Variants in SGPP1 observed in about 807,000 individuals in gnomAD.
The protein encoded by SGPP1 is sphingosine-1-phosphate phosphatase 1.
Under a neutral mutation model 33.0 loss-of-function variants are expected in SGPP1, and 21 were observed. The observed-to-expected ratio is 0.64, with a 90% confidence interval of 0.45 to 0.92. The LOEUF is 0.92. Among genes scored for constraint, SGPP1 ranks in the 40% least tolerant of loss-of-function variants. The pLI is 0.00. For synonymous variants in SGPP1, 239 were observed against 241.2 expected, an observed-to-expected ratio of 0.99 and a Z score of 0.08; for missense variants, 543 against 589.4, an observed-to-expected ratio of 0.92 and a Z score of 0.81.
intron 1 of SGPP1, among the ~76,000 whole-genome samples, chr14:63,719,769 AT>A (rs1247245625): frequency 1.3e-5 from 2 of 151,752 alleles, no homozygotes; most frequent in Admixed American, 6.6e-5. Flanking sequence ...TATGTAAGGC[AT>A]TTTTAAAAAT....
chr14:63,718,993 T>C (rs1405258485), intron 1 of SGPP1, among the ~76,000 whole-genome samples: 12 of 19,748 alleles, frequency 6.1e-4, no homozygotes, highest in Admixed American at 1.5e-3. Context: ...TATATATATA[T>C]ATATATATAT....
intron 1 of SGPP1, among the ~76,000 whole-genome samples, chr14:63,706,544 CTATAA>C (rs1237675511): frequency 2.6e-5 from 4 of 152,176 alleles, no homozygotes; most frequent in African/African-American, 7.2e-5. Context: ...GCCTGTATTA[CTATAA>C]TATGTGTCTG....
chr14:63,727,969 G>A lies in SGPP1; in HGVS notation c.-25C>T. Reference sequence around the variant, plus strand: ...TGATAACGGAACCCCCGGGAAGGCGGGCCGGCCTCCGGCGCAGCCCCGAAC... The same window carrying A: ...TGATAACGGAACCCCCGGGAAGGCGAGCCGGCCTCCGGCGCAGCCCCGAAC... On this transcript the variant is annotated 5_prime_UTR_variant, in exon 1 of 3. Transcript: ENST00000247225. 6.5e-7 allele frequency: 1 copy of A among 1,533,188 alleles called. No individual in the cohort carries two copies. The highest frequency in any genetic ancestry group is 8.7e-7 in the Non-Finnish European group (1 of 1,149,202). The allele number at this position is 1,533,188 out of a possible 1,614,324, so 95.0% of individuals were successfully genotyped here.
intron 1 of SGPP1, among the ~76,000 whole-genome samples, chr14:63,723,344 C>T (rs1885814753): frequency 6.6e-6 from 1 of 152,118 alleles, no homozygotes; most frequent in South Asian, 2.1e-4. Flanking sequence ...TCCTCCATCA[C>T]CATAAAATTT....
chr14:63,708,592 T>A (rs939373646), intron 1 of SGPP1, among the ~76,000 whole-genome samples: 3 of 152,090 alleles, frequency 2.0e-5, no homozygotes, highest in Non-Finnish European at 4.4e-5. Context: ...ACCGTTAATT[T>A]GGCTAGACTT....
chr14:63,684,262 A>C lies in SGPP1; in HGVS notation c.*1843T>G, dbSNP rs1280096131. The C allele has an allele frequency of 6.6e-6, 1 of 152,162 alleles. No homozygotes were observed. The highest frequency in any genetic ancestry group is 2.4e-5 in the African/African-American group (1 of 41,458). 9.4% of individuals were successfully genotyped at this position (152,162 alleles called of 1,614,324 possible). ...TATTTTAAAATACATTTAGCATAGA[A>C]CTGTCATAGGACAGAAAATAATAAA... is the stretch of plus-strand genomic sequence containing the variant. On this transcript the variant is annotated 3_prime_UTR_variant, in exon 3 of 3. Transcript: ENST00000247225.
chr14:63,727,447 G>C lies in SGPP1; in HGVS notation c.498C>G (p.Ile166Met). The C allele has an allele frequency of 1.9e-6, 3 of 1,614,118 alleles. 1 individual carries two copies. Among genetic ancestry groups the C allele is most frequent in the South Asian group, 2.2e-5 (2 of 91,082 alleles). The change falls in exon 1 of 3, where the codon ATC becomes ATG. Residue 166 changes from isoleucine to methionine, a missense_variant. Coordinates refer to ENST00000247225, the MANE Select transcript of SGPP1 (RefSeq NM_030791.4). ...DPLVGRRLVV[I>M]WVLVMYLGQC... ...GGCCCAGGTACATGACCAGCACCCAGATGACCACGAGCCTCCGGCCCACCA... is the reference window on the plus strand; with the variant it reads ...GGCCCAGGTACATGACCAGCACCCACATGACCACGAGCCTCCGGCCCACCA...
At chr14:63,719,010 ATATATTTTTTTTTT>A (rs1885710296) in intron 1 of SGPP1, among the ~76,000 whole-genome samples, 1 of 23,468 alleles carries the variant, frequency 4.3e-5, no homozygotes, top group Non-Finnish European at 6.6e-5. Flanking sequence ...ATATATATAT[ATATATTTTTTTTTT>A]TTTTTTTTTT....
At chr14:63,717,746 A>T (rs1287874473) in intron 1 of SGPP1, among the ~76,000 whole-genome samples, 3 of 152,214 alleles carry the variant, frequency 2.0e-5, no homozygotes, top group African/African-American at 7.2e-5. Context: ...AAGCTCAATG[A>T]CCTCAAAGCA....
At chr14:63,694,033 A>G (rs540228935) in intron 2 of SGPP1, among the ~76,000 whole-genome samples, 1 of 152,388 alleles carries the variant, frequency 6.6e-6, no homozygotes, top group East Asian at 1.9e-4. Context: ...TAATCCCAAC[A>G]CATTGAGAGG....
chr14:63,695,015 G>A (rs1251629019), intron 2 of SGPP1, among the ~76,000 whole-genome samples: 1 of 151,900 alleles, frequency 6.6e-6, no homozygotes, highest in Non-Finnish European at 1.5e-5. Context: ...TGAAATTCAG[G>A]TCTCCCATCT....
intron 2 of SGPP1, 145 bp downstream of exon 2, chr14:63,698,424 G>A: frequency 2.2e-6 from 1 of 458,992 alleles, no homozygotes; most frequent in Non-Finnish European, 3.9e-6. Context: ...AAACCATCAT[G>A]TTGATATTTT....
chr14:63,718,978 A>AT (rs1885690176), intron 1 of SGPP1, among the ~76,000 whole-genome samples: 1 of 9,366 alleles, frequency 1.1e-4, no homozygotes, highest in Non-Finnish European at 1.8e-4. Flanking sequence ...ATGTATATAC[A>AT]TATATATATA....
At chr14:63,694,657 A>C (rs543026265) in intron 2 of SGPP1, among the ~76,000 whole-genome samples, 1 of 152,382 alleles carries the variant, frequency 6.6e-6, no homozygotes, top group South Asian at 2.1e-4. Flanking sequence ...TATCATTTTG[A>C]TATCAATATA....
intron 1 of SGPP1, among the ~76,000 whole-genome samples, chr14:63,707,462 G>A (rs1885438873): frequency 2.0e-5 from 3 of 151,772 alleles, no homozygotes; most frequent in African/African-American, 7.3e-5. Context: ...ATTCCTGATT[G>A]CCTCTCCAGA....
intron 1 of SGPP1, among the ~76,000 whole-genome samples, chr14:63,706,667 T>C (rs2139643285): frequency 6.6e-6 from 1 of 152,330 alleles, no homozygotes; most frequent in East Asian, 1.9e-4. Flanking sequence ...AACGCCATAG[T>C]ATCATTCAGT....
Position 63,688,713 on chromosome 14 carries a change from TC to T in SGPP1, c.775-2058del, listed in dbSNP as rs1566816449. On this transcript the variant is annotated intron_variant, in intron 2 of 2. Coordinates refer to ENST00000247225, the MANE Select transcript of SGPP1 (RefSeq NM_030791.4). ...GAGGTCTTCAAAAACAACCGTCATT[TC>T]TTTTTTTTTTCTTTTTTTTTTTTTT... Among the ~76,000 whole-genome samples, 112 of 147,754 alleles carry T rather than the reference TC, an allele frequency of 7.6e-4. 2 individuals carry two copies. The East Asian group carries it at 0.013, about 17-fold the overall frequency.
chr14:63,698,684 G>A, intron 1 of SGPP1, 26 bp from the exon 2 acceptor site: 1 of 1,299,174 alleles, frequency 7.7e-7, no homozygotes, highest in Non-Finnish European at 1.1e-6. Flanking sequence ...AGTAAAATTA[G>A]TTAAACAAAT....
intron 2 of SGPP1, among the ~76,000 whole-genome samples, chr14:63,694,532 TC>T (rs1305302437): frequency 6.6e-6 from 1 of 152,148 alleles, no homozygotes; most frequent in Admixed American, 6.6e-5. Flanking sequence ...CAAATCTGCT[TC>T]CTTTTCTGTT....
Sources: allele counts gnomAD v4.1 joint callset (sites outside exome capture counted in the v4.1 genomes callset), GRCh38; gene constraint gnomAD v4.1.1; transcripts MANE v1.5; gene names NCBI Gene and HGNC (gene_info 2026-07-23, HGNC 2026-07-21).